COL11A1: variants seen among roughly 807,000 people sequenced by gnomAD.
COL11A1 encodes the protein collagen alpha-1(XI) chain.
In COL11A1, 74 loss-of-function variants were observed where a neutral mutation model predicts 265.2. That is an observed-to-expected ratio of 0.28 (90% CI 0.23 to 0.34). COL11A1 has a LOEUF of 0.34. Among genes scored for constraint, COL11A1 ranks in the 10% least tolerant of loss-of-function variants. COL11A1 has a pLI of 1.00. For missense variants in COL11A1, 2,165 were observed against 2,263.6 expected, an observed-to-expected ratio of 0.96 and a Z score of 0.88; for synonymous variants, 816 against 727.6, an observed-to-expected ratio of 1.12 and a Z score of -1.96.
intron 5 of COL11A1, among the ~76,000 whole-genome samples, 182 bp from the exon 6 acceptor site, chr1:103,026,514 T>C (rs1328462145): frequency 6.6e-6 from 1 of 152,180 alleles, no homozygotes; most frequent in Non-Finnish European, 1.5e-5. Context: ...TATAATAACA[T>C]AGGAGTGACA....
chr1:103,104,001 A>G (rs1380231324), intron 1 of COL11A1, among the ~76,000 whole-genome samples: 1 of 152,076 alleles, frequency 6.6e-6, no homozygotes, highest in Non-Finnish European at 1.5e-5. Flanking sequence ...TATTACAAGA[A>G]TATTTTTTAT....
chr1:103,015,976 G>A (rs1380748328), intron 11 of COL11A1, among the ~76,000 whole-genome samples: 2 of 151,838 alleles, frequency 1.3e-5, no homozygotes, highest in African/African-American at 4.8e-5. Context: ...TATAAATTTT[G>A]CTCAAACTTT....
At chr1:102,989,275 C>T (rs771468266) in intron 29 of COL11A1, among the ~76,000 whole-genome samples, 19 of 151,322 alleles carry the variant, frequency 1.3e-4, no homozygotes, top group South Asian at 2.1e-4. Flanking sequence ...TGTGTGCACG[C>T]GTGCATGCTC....
At chr1:103,086,708 G>T (rs527368322) in intron 1 of COL11A1, among the ~76,000 whole-genome samples, 1 of 152,018 alleles carries the variant, frequency 6.6e-6, no homozygotes, top group African/African-American at 2.4e-5. Context: ...GAGCCACCGC[G>T]CCCGGCAACA....
chr1:102,936,745 T>C (rs1318319260), intron 44 of COL11A1, among the ~76,000 whole-genome samples: 3 of 152,170 alleles, frequency 2.0e-5, no homozygotes, highest in Admixed American at 6.5e-5. Flanking sequence ...ACGTGCAAGA[T>C]AGAGCAGTGG....
rs188424061 is a variant in COL11A1 at position 102,927,640 on chromosome 1, C to T, written c.3601-4251G>A. 5.0e-3 allele frequency among the ~76,000 whole-genome samples: 755 copies of T among 150,928 alleles called. 3 individuals carry two copies. Among genetic ancestry groups the T allele is most frequent in the Middle Eastern group, 0.01 (3 of 294 alleles). ...CCTGGGTGACAGCGTGAGACGCCGT[C>T]TCAAAAAAACAAAAAAAAAACCAAA... On this transcript the variant is annotated intron_variant, in intron 46 of 66. Transcript: ENST00000370096.
rs748850423 is a variant in COL11A1 at position 102,889,577 on chromosome 1, G to GA, written c.4357-16dup. 418 of 1,564,764 alleles carry GA rather than the reference G, an allele frequency of 2.7e-4. No individual in the cohort carries two copies. Among genetic ancestry groups the GA allele is most frequent in the Non-Finnish European group, 3.4e-4 (389 of 1,137,028 alleles). On this transcript the variant is annotated splice_polypyrimidine_tract_variant and intron_variant, in intron 58 of 66. Coordinates refer to ENST00000370096, the MANE Select transcript of COL11A1 (RefSeq NM_001854.4). The stretch of plus-strand genomic sequence containing the variant: ...CCAGGATGTCCCTTTGAAAGGCAGA[G>GA]AAAAAAAATAATAACATGTACATTA...
Position 103,071,429 on chromosome 1 carries a change from GA to G in COL11A1, c.651+3188del, listed in dbSNP as rs71094602. ...CACATCTTTGAATCTTATTTAGCAG[GA>G]AAAAAAAATCAAGGCTGTTGATTTG... On this transcript the variant is annotated intron_variant, in intron 4 of 66. Coordinates refer to ENST00000370096, the MANE Select transcript of COL11A1 (RefSeq NM_001854.4). Among the ~76,000 whole-genome samples the G allele has an allele frequency of 1.0e-4, 12 of 116,126 alleles. No individual in the cohort carries two copies. The East Asian group carries it at 1.3e-3, about 12-fold the overall frequency. The allele number at this position is 116,126 out of a possible 152,430, so 76.2% of individuals were successfully genotyped here. A position where few individuals can be genotyped will look rare whatever the true frequency, so the allele number is the denominator to read the frequency against.
chr1:102,917,001 A>G (rs544002436), intron 49 of COL11A1, among the ~76,000 whole-genome samples: 2 of 152,010 alleles, frequency 1.3e-5, no homozygotes, highest in Non-Finnish European at 2.9e-5. Flanking sequence ...TAGAAATATG[A>G]TAAGTCTATT....
intron 1 of COL11A1, among the ~76,000 whole-genome samples, chr1:103,089,615 T>C (rs1673155002): frequency 6.6e-6 from 1 of 152,180 alleles, no homozygotes; most frequent in Admixed American, 6.5e-5. Flanking sequence ...ATATTCACTA[T>C]CAAATTGCAA....
At chr1:103,069,606 A>T (rs34206172) in intron 4 of COL11A1, among the ~76,000 whole-genome samples, 5,710 of 152,024 alleles carry the variant, frequency 0.038, 124 homozygotes, top group Middle Eastern at 0.092. Context: ...AAGAAAACAA[A>T]AAAAAGGCAA....
At chr1:102,948,961 G>T (rs563986101) in intron 41 of COL11A1, among the ~76,000 whole-genome samples, 1 of 152,050 alleles carries the variant, frequency 6.6e-6, no homozygotes, top group Non-Finnish European at 1.5e-5. Flanking sequence ...TGAGAGGGAG[G>T]TCAGGAAGGA....
At chr1:103,071,467 CTTTTTTTTTTTT>C (rs869263393) in intron 4 of COL11A1, among the ~76,000 whole-genome samples, 5 of 49,892 alleles carry the variant, frequency 1.0e-4, no homozygotes, top group Admixed American at 2.2e-4. Flanking sequence ...GTTGGTAGGA[CTTTTTTTTTTTT>C]TTTTTTTTTT....
At chr1:102,879,990 A>T in intron 65 of COL11A1, 74 bp from the exon 66 acceptor site, 35 of 987,278 alleles carry the variant, frequency 3.5e-5, no homozygotes, top group Non-Finnish European at 5.1e-5. Context: ...AAATCACTGC[A>T]GACAGTGAAC....
At chr1:102,937,030 A>G (rs1410044991) in intron 44 of COL11A1, among the ~76,000 whole-genome samples, 1 of 152,196 alleles carries the variant, frequency 6.6e-6, no homozygotes, top group African/African-American at 2.4e-5. Context: ...GACAAAACAA[A>G]TGTAACAATG....
chr1:103,049,732 T>G (rs1025754356), intron 4 of COL11A1, among the ~76,000 whole-genome samples: 14 of 152,238 alleles, frequency 9.2e-5, no homozygotes, highest in Non-Finnish European at 5.9e-5. Context: ...TTGCAGTGGC[T>G]GATACCGATT....
At chr1:102,989,190 C>A (rs1428955217) in intron 29 of COL11A1, among the ~76,000 whole-genome samples, 1 of 151,812 alleles carries the variant, frequency 6.6e-6, no homozygotes, top group African/African-American at 2.4e-5. Flanking sequence ...TATCAAATTA[C>A]TTCTAGTAAT....
intron 62 of COL11A1, 152 bp from the exon 63 acceptor site, chr1:102,887,208 A>T (rs1307778582): frequency 5.7e-6 from 5 of 873,406 alleles, no homozygotes; most frequent in Non-Finnish European, 8.8e-6. Context: ...AAGTTTATAA[A>T]TATATAAACG....
chr1:103,086,815 T>A (rs539584988), intron 1 of COL11A1, among the ~76,000 whole-genome samples: 100 of 152,190 alleles, frequency 6.6e-4, no homozygotes, highest in African/African-American at 2.4e-3. Flanking sequence ...AAGCCTTTTT[T>A]TTTTTCCCAA....
Sources: gnomAD v4.1 joint callset for allele counts (sites outside exome capture counted in the v4.1 genomes callset) on GRCh38, gnomAD v4.1.1 for gene constraint, MANE v1.5 for transcripts, NCBI Gene and HGNC (gene_info 2026-07-23, HGNC 2026-07-21) for gene names.